Variants in LRP2 observed in about 807,000 individuals in gnomAD.
LRP2 encodes the protein LDL receptor related protein 2, also known as low-density lipoprotein receptor-related protein 2.
In LRP2, 172 loss-of-function variants were observed where a neutral mutation model predicts 531.0. The observed-to-expected ratio is 0.32, with a 90% CI of 0.29 to 0.37. The LOEUF (loss-of-function observed/expected upper bound fraction) is 0.37. Among genes scored for constraint, LRP2 ranks in the 10% least tolerant of loss-of-function variants. LRP2 has a pLI of 1.00. For synonymous variants in LRP2, 1,992 were observed against 2,027.6 expected (o/e 0.98, Z 0.47); for missense variants, 5,167 against 5,868.3 (o/e 0.88, Z 3.90).
In LRP2 at chr2:169,273,017, G is replaced by C. The variant is rs764130643; in HGVS notation, c.2026C>G (p.Leu676Val). ...NNGGCEQVCV[L>V]SHRTDNDGLG... ...CCATCATTATCTGTTCTGTGGCTGA[G>C]GACACAGACCTGCTCACAGCCCCCA... Residue 676 changes from leucine (L) to valine (V), a missense_variant, in exon 15 of 79, where the codon CTC (leucine) becomes GTC (valine). Physicochemically the swap from Leu to Val is conservative, Grantham distance 32. Transcript: ENST00000649046. The C allele has an allele frequency of 6.2e-7, 1 of 1,613,680 alleles. No homozygotes were observed. The highest frequency in any genetic ancestry group is 8.5e-7 in the Non-Finnish European group (1 of 1,179,730).
chr2:169,218,647 T>C (rs989858251), intron 34 of LRP2, among the ~76,000 whole-genome samples: 3 of 152,092 alleles, frequency 2.0e-5, no homozygotes, highest in Admixed American at 6.6e-5. Flanking sequence ...TCTGGGTAAA[T>C]AGGTGGACTG....
intron 9 of LRP2, among the ~76,000 whole-genome samples, chr2:169,287,238 C>T (rs1683883243): frequency 6.6e-6 from 1 of 152,114 alleles, no homozygotes; most frequent in Admixed American, 6.5e-5. Flanking sequence ...TTATTTAAGT[C>T]CAGTTGCAGA....
intron 13 of LRP2, among the ~76,000 whole-genome samples, chr2:169,276,511 T>C (rs1045175855): frequency 6.6e-6 from 1 of 152,156 alleles, no homozygotes; most frequent in Non-Finnish European, 1.5e-5. Context: ...AATTTTTTCA[T>C]AAAATTTATT....
chr2:169,129,769 C>T (rs1685219333), intron 77 of LRP2, among the ~76,000 whole-genome samples: 1 of 152,124 alleles, frequency 6.6e-6, no homozygotes, highest in South Asian at 2.1e-4. Flanking sequence ...GACCCAGAGG[C>T]CCATAAACTG....
At chr2:169,350,088 A>G (rs1685806620) in intron 1 of LRP2, among the ~76,000 whole-genome samples, 1 of 152,232 alleles carries the variant, frequency 6.6e-6, no homozygotes. Flanking sequence ...TGGATTCTAG[A>G]TGTATTTTGA....
chr2:169,284,264 T>TC, intron 9 of LRP2, among the ~76,000 whole-genome samples: 1 of 124,998 alleles, frequency 8.0e-6, no homozygotes, highest in African/African-American at 3.1e-5. Context: ...TTCTTTTTTT[T>TC]TTTTTTTTTT....
In LRP2 at chr2:169,185,039, G is replaced by A. The variant is rs943148485; in HGVS notation, c.9845+464C>T. 4.6e-5 allele frequency among the ~76,000 whole-genome samples: 7 copies of A among 152,112 alleles called. No homozygotes were observed. The East Asian group carries it at 9.6e-4, about 21-fold the overall frequency. On this transcript the variant is annotated intron_variant, in intron 50 of 78. Coordinates refer to ENST00000649046, the MANE Select transcript of LRP2 (RefSeq NM_004525.3). ...GCCTCCCAAAGTTCTGAGATTACAG[G>A]CGTGAGCCACTGCCCCCGGCCAATG...
At chr2:169,195,920 T>A (rs1687987766) in intron 46 of LRP2, among the ~76,000 whole-genome samples, 1 of 152,186 alleles carries the variant, frequency 6.6e-6, no homozygotes, top group Admixed American at 6.5e-5. Context: ...TAAGAAAATA[T>A]CCTGAAAATA....
At chr2:169,200,073 A>G (rs1688146970) in intron 44 of LRP2, among the ~76,000 whole-genome samples, 1 of 152,086 alleles carries the variant, frequency 6.6e-6, no homozygotes, top group South Asian at 2.1e-4. Context: ...ACATGGTGAA[A>G]CCTCGTCTCT....
At chr2:169,264,848 C>T (rs761655972) in intron 16 of LRP2, among the ~76,000 whole-genome samples, 5 of 152,046 alleles carry the variant, frequency 3.3e-5, no homozygotes, top group Admixed American at 2.0e-4. Context: ...ACTCCTCTAT[C>T]TCCTCTAAGG....
intron 1 of LRP2, among the ~76,000 whole-genome samples, chr2:169,338,347 GGAAAGAAAGAAGGAAAGAAA>G (rs1337829200): frequency 1.4e-4 from 15 of 109,936 alleles, no homozygotes; most frequent in South Asian, 6.6e-4. Flanking sequence ...AAAGAAAGAA[GGAAAGAAAGAAGGAAAGAAA>G]GAAAGAAAGA....
chr2:169,179,779 C>G (rs1049177058), intron 52 of LRP2, among the ~76,000 whole-genome samples: 6 of 141,554 alleles, frequency 4.2e-5, no homozygotes, highest in Non-Finnish European at 9.5e-5. Flanking sequence ...TTGGTGCATC[C>G]CAAGATGTAC....
chr2:169,247,436 G>A lies in LRP2; in HGVS notation c.2850C>T (p.Ile950=). ...RKADGGEMTV[I]RSGIAYILHL... is the part of the protein sequence containing the mutation. ...GCAGTATGTAAGCAATGCCACTTCG[G>A]ATAACTGTCATTTCTCCACCATCTG... is the stretch of plus-strand genomic sequence containing the variant. Residue 950 remains isoleucine (I), a synonymous_variant, in exon 20 of 79, where the codon ATC becomes ATT. Coordinates refer to ENST00000649046, the MANE Select transcript of LRP2 (RefSeq NM_004525.3). The A allele has an allele frequency of 6.2e-7, 1 of 1,614,032 alleles. No homozygotes were observed. Among genetic ancestry groups the A allele is most frequent in the Non-Finnish European group, 8.5e-7 (1 of 1,179,942 alleles).
At chr2:169,309,602 T>C (rs1684534273) in intron 3 of LRP2, among the ~76,000 whole-genome samples, 2 of 152,220 alleles carry the variant, frequency 1.3e-5, no homozygotes, top group Admixed American at 1.3e-4. Flanking sequence ...TTGGTACCAG[T>C]ACCATGCTGT....
chr2:169,207,936 C>T (rs905705985), intron 38 of LRP2, among the ~76,000 whole-genome samples: 1 of 152,198 alleles, frequency 6.6e-6, no homozygotes, highest in Non-Finnish European at 1.5e-5. Flanking sequence ...ATGCTACTAC[C>T]AAGACACACA....
At chr2:169,347,764 A>C (rs1228171906) in intron 1 of LRP2, among the ~76,000 whole-genome samples, 1 of 152,162 alleles carries the variant, frequency 6.6e-6, no homozygotes, top group Admixed American at 6.5e-5. Flanking sequence ...GTCTCTGTCT[A>C]TACTCTGCAG....
At chr2:169,320,689 C>T in intron 2 of LRP2, 88 bp downstream of exon 2, 1 of 1,092,038 alleles carries the variant, frequency 9.2e-7, no homozygotes, top group Non-Finnish European at 1.4e-6. Flanking sequence ...CACTAAAAGG[C>T]ATAGCTCTTC....
At chr2:169,303,306 T>C (rs996674767) in intron 4 of LRP2, among the ~76,000 whole-genome samples, 1 of 152,216 alleles carries the variant, frequency 6.6e-6, no homozygotes, top group African/African-American at 2.4e-5. Context: ...GCAAAATCTT[T>C]TAAGAGCACA....
At chr2:169,313,137 G>A (rs1398893504) in intron 3 of LRP2, among the ~76,000 whole-genome samples, 2 of 152,036 alleles carry the variant, frequency 1.3e-5, no homozygotes, top group African/African-American at 2.4e-5. Context: ...GCTTCTTTGC[G>A]ATGGGTTTGA....
Sources: gnomAD v4.1 joint callset for allele counts (sites outside exome capture counted in the v4.1 genomes callset) on GRCh38, gnomAD v4.1.1 for gene constraint, MANE v1.5 for transcripts, NCBI Gene and HGNC (gene_info 2026-07-23, HGNC 2026-07-21) for gene names.